ARHGEF5: variants seen among roughly 807,000 people sequenced by gnomAD.
ARHGEF5 encodes the protein Rho guanine nucleotide exchange factor (GEF) 5.
Under a neutral mutation model 104.0 loss-of-function variants are expected in ARHGEF5, and 11 were observed. That is an observed-to-expected ratio of 0.11 (90% CI 0.07 to 0.18). The LOEUF is 0.18. ARHGEF5 is among the 10% of genes least tolerant of loss of function. ARHGEF5 has a pLI of 1.00. For synonymous variants in ARHGEF5, 60 were observed against 512.2 expected (o/e 0.12, Z 11.92); for missense variants, 165 against 1,335.4 (o/e 0.12, Z 13.66).
chr7:144,377,794 A>T (rs145531904), intron 13 of ARHGEF5, among the ~76,000 whole-genome samples: 1 of 152,272 alleles, frequency 6.6e-6, no homozygotes, highest in East Asian at 1.9e-4. Flanking sequence ...ACTGAAAAGA[A>T]CAAACAACTA....
At chr7:144,366,516 ATGGCTCATTCCTGTTTCTTCTTGGTG>A (rs2053698042) in intron 3 of ARHGEF5, 104 bp downstream of exon 3, 2 of 577,436 alleles carry the variant, frequency 3.5e-6, no homozygotes, top group Non-Finnish European at 6.2e-6. Flanking sequence ...GAGACCCCGA[ATGGCTCATTCCTGTTTCTTCTTGGTG>A]TAAGGAGGAG....
At chr7:144,357,452 T>A (rs2053605099) in intron 1 of ARHGEF5, among the ~76,000 whole-genome samples, 2 of 140,792 alleles carry the variant, frequency 1.4e-5, no homozygotes, top group African/African-American at 5.1e-5. Flanking sequence ...TGTTTTGATA[T>A]CTTTGTAGTA....
rs563859417 is a variant in ARHGEF5, at chr7:144,360,931, G to C, written c.-12-1727G>C. ...ACAAAGAGGGGTACAATTTAACCTA[G>C]TTAAAAGATCAGGGGAGGCCAGGTG... On this transcript the variant is annotated intron_variant, in intron 1 of 14. Transcript: ENST00000056217. Among the ~76,000 whole-genome samples, 5 of 146,238 alleles carry C rather than the reference G, an allele frequency of 3.4e-5. 1 individual carries two copies. The highest frequency in any genetic ancestry group is 1.4e-4 in the Admixed American group (2 of 14,654).
At chr7:144,378,628 C>G in intron 13 of ARHGEF5, 134 bp from the exon 14 acceptor site, 1 of 690,306 alleles carries the variant, frequency 1.4e-6, no homozygotes, top group Non-Finnish European at 2.5e-6. Flanking sequence ...CAAATTTCCT[C>G]TTTTGTCTGT....
intron 12 of ARHGEF5, among the ~76,000 whole-genome samples, chr7:144,375,898 T>C (rs1052483889): frequency 6.6e-6 from 1 of 152,310 alleles, no homozygotes; most frequent in Non-Finnish European, 1.5e-5. Flanking sequence ...AGGCTTAGCA[T>C]CTATTTTATA....
Position 144,380,104 on chromosome 7 carries a change from G to A in ARHGEF5, c.*48G>A, listed in dbSNP as rs201303398. 1.9e-6 allele frequency: 3 copies of A among 1,610,144 alleles called. No individual in the cohort carries two copies. In the East Asian group the frequency reaches 6.7e-5, roughly 36 times the overall value. On this transcript the variant is annotated 3_prime_UTR_variant, in exon 15 of 15. Coordinates refer to ENST00000056217, the MANE Select transcript of ARHGEF5 (RefSeq NM_005435.4). ...TGAGCTGAAGAACAAGCTGCTCATGGCAAGGGCTGGCCCCAGAACCCTGCA... is the reference window on the plus strand; with the variant it reads ...TGAGCTGAAGAACAAGCTGCTCATGACAAGGGCTGGCCCCAGAACCCTGCA...
In ARHGEF5 at chr7:144,363,556, A is replaced by G. The variant is rs1161420817; in HGVS notation, c.887A>G (p.Glu296Gly). ...RQGERMGLTG[E>G]PEGLNDGEWE... ...GGAGAAAGAATGGGGCTCACTGGGG[A>G]GCCAGAGGGTCTGAATGACGGTGAG... The change falls in exon 2 of 15, where the codon GAG becomes GGG. Residue 296 changes from glutamate (E) to glycine (G), a missense_variant. By Grantham distance (98) the Glu-to-Gly change is moderately conservative (BLOSUM62 -2). Coordinates refer to ENST00000056217, the MANE Select transcript of ARHGEF5 (RefSeq NM_005435.4). 6.7e-7 allele frequency: 1 copy of G among 1,502,014 alleles called. No individual in the cohort carries two copies. The highest frequency in any genetic ancestry group is 9.2e-7 in the Non-Finnish European group (1 of 1,085,008). The allele number at this position is 1,502,014 out of a possible 1,614,324, so 93.0% of individuals were successfully genotyped here. A position where few individuals can be genotyped will look rare whatever the true frequency, so the allele number is the denominator to read the frequency against.
At chr7:144,378,739 C>G in intron 13 of ARHGEF5, 23 bp from the exon 14 acceptor site, 1 of 1,606,570 alleles carries the variant, frequency 6.2e-7, no homozygotes. Flanking sequence ...CCTAACCTCT[C>G]TTCACACTCT....
At chr7:144,378,716 A>G (rs2053779006) in intron 13 of ARHGEF5, 46 bp from the exon 14 acceptor site, 1 of 1,553,016 alleles carries the variant, frequency 6.4e-7, no homozygotes, top group Non-Finnish European at 8.8e-7. Flanking sequence ...CTGTGTTCCA[A>G]TCCCCTGCCT....
At chr7:144,377,266 T>C (rs2053767631) in intron 13 of ARHGEF5, 76 bp downstream of exon 13, 16 of 1,543,092 alleles carry the variant, frequency 1.0e-5, no homozygotes, top group Non-Finnish European at 1.3e-5. Flanking sequence ...TTTAAAGGGC[T>C]GGGTGGGAAC....
At position 144,380,361 on chromosome 7, in the gene ARHGEF5, C is replaced by T. The variant is rs112691662; in HGVS notation, c.*305C>T. 4.9e-5 allele frequency: 12 copies of T among 243,060 alleles called. No homozygotes were observed. The highest frequency in any genetic ancestry group is 1.7e-4 in the African/African-American group (8 of 45,762). The allele number at this position is 243,060 out of a possible 1,614,324, so 15.1% of individuals were successfully genotyped here. A position where few individuals can be genotyped will look rare whatever the true frequency, so the allele number is the denominator to read the frequency against. ...TGCCTTATAGTGCTTAAACATTCTCCGCCTCCAGGGTGCAGATTCAGAGCT... is the reference window on the plus strand; with the variant it reads ...TGCCTTATAGTGCTTAAACATTCTCTGCCTCCAGGGTGCAGATTCAGAGCT... On this transcript the variant is annotated 3_prime_UTR_variant, in exon 15 of 15. Coordinates refer to ENST00000056217, the MANE Select transcript of ARHGEF5 (RefSeq NM_005435.4).
chr7:144,366,544 AAGG>A (rs2053698279), intron 3 of ARHGEF5, 132 bp downstream of exon 3: 3 of 521,200 alleles, frequency 5.8e-6, no homozygotes, highest in Non-Finnish European at 3.5e-6. Context: ...TTCTTGGTGT[AAGG>A]AGGAGAAGAG....
At chr7:144,377,238 C>T (rs2053767475) in intron 13 of ARHGEF5, 48 bp downstream of exon 13, 2 of 1,484,448 alleles carry the variant, frequency 1.3e-6, no homozygotes, top group Non-Finnish European at 1.8e-6. Flanking sequence ...GGTCAGATGT[C>T]ACCTTTGGAT....
At chr7:144,373,087 A>C (rs930427758) in intron 9 of ARHGEF5, 108 bp from the exon 10 acceptor site, 49 of 750,786 alleles carry the variant, frequency 6.5e-5, no homozygotes, top group Non-Finnish European at 1.1e-4. Flanking sequence ...AGCCTGGGAA[A>C]AATGACTGAG....
chr7:144,377,271 G>T, intron 13 of ARHGEF5, 81 bp downstream of exon 13: 6 of 1,547,296 alleles, frequency 3.9e-6, no homozygotes, highest in Non-Finnish European at 4.4e-6. Context: ...AGGGCTGGGT[G>T]GGAACTCTAG....
intron 13 of ARHGEF5, 152 bp from the exon 14 acceptor site, chr7:144,378,610 A>T: frequency 1.6e-6 from 1 of 622,048 alleles, no homozygotes; most frequent in South Asian, 2.0e-5. Flanking sequence ...TTCTTTATTA[A>T]CCATTTTCAA....
chr7:144,378,748 C>T lies in ARHGEF5; in HGVS notation c.4532-14C>T, dbSNP rs760416460. 3.7e-6 allele frequency: 6 copies of T among 1,610,946 alleles called. No homozygotes were observed. Among genetic ancestry groups the T allele is most frequent in the Non-Finnish European group, 5.1e-6 (6 of 1,177,394 alleles). On this transcript the variant is annotated splice_polypyrimidine_tract_variant and intron_variant, in intron 13 of 14. Transcript: ENST00000056217. ...GCCTCTCCTAACCTCTCTTCACACTCTTCTCTTCCAAAGACTCCCCCCAGG... is the reference window on the plus strand; with the variant it reads ...GCCTCTCCTAACCTCTCTTCACACTTTTCTCTTCCAAAGACTCCCCCCAGG...
At chr7:144,361,188 C>T (rs62485524) in intron 1 of ARHGEF5, among the ~76,000 whole-genome samples, 31,133 of 119,904 alleles carry the variant, frequency 0.26, 2,568 homozygotes, top group East Asian at 0.55. Context: ...GATTGCACCA[C>T]GGCACTCCAG....
chr7:144,360,190 G>A lies in ARHGEF5; in HGVS notation c.-12-2468G>A, dbSNP rs1306476846. ...TGGCTCACTGCAGCCTCTGCCTCCT[G>A]GGCTCAAGGGATCCTCCCAGGATCC... is the stretch of plus-strand genomic sequence containing the variant. On this transcript the variant is annotated intron_variant, in intron 1 of 14. Coordinates refer to ENST00000056217, the MANE Select transcript of ARHGEF5 (RefSeq NM_005435.4). Among the ~76,000 whole-genome samples, 2 of 119,146 alleles carry A rather than the reference G, an allele frequency of 1.7e-5. 1 individual carries two copies. The highest frequency in any genetic ancestry group is 6.5e-5 in the African/African-American group (2 of 30,998). The allele number at this position is 119,146 out of a possible 152,430, so 78.2% of individuals were successfully genotyped here.
Sources: allele counts gnomAD v4.1 joint callset (sites outside exome capture counted in the v4.1 genomes callset), GRCh38; gene constraint gnomAD v4.1.1; transcripts MANE v1.5; gene names NCBI Gene and HGNC (gene_info 2026-07-23, HGNC 2026-07-21).